TP53BP2: variants seen among roughly 807,000 people sequenced by gnomAD.
TP53BP2 encodes apoptosis-stimulating of p53 protein 2.
Under a neutral mutation model 126.2 loss-of-function variants are expected in TP53BP2, and 62 were observed. The observed-to-expected ratio is 0.49, with a 90% CI of 0.40 to 0.61. The LOEUF is 0.61. Among genes scored for constraint, TP53BP2 ranks in the 20% least tolerant of loss-of-function variants. TP53BP2 has a pLI of 0.00. For synonymous variants in TP53BP2, 485 were observed against 502.9 expected (o/e 0.96, Z 0.48); for missense variants, 1,215 against 1,402.8 (o/e 0.87, Z 2.14).
intron 5 of TP53BP2, among the ~76,000 whole-genome samples, chr1:223,806,056 CTAGGGT>C (rs918435260): frequency 6.6e-6 from 1 of 152,040 alleles, no homozygotes; most frequent in Non-Finnish European, 1.5e-5. Context: ...AAGGCCAGGA[CTAGGGT>C]TAGTTTGTGG....
Position 223,796,714 on chromosome 1 carries a change from C to T in TP53BP2, c.1949-124G>A, listed in dbSNP as rs1662338751. 2 of 795,550 alleles carry T rather than the reference C, an allele frequency of 2.5e-6. No individual in the cohort carries two copies. The highest frequency in any genetic ancestry group is 1.7e-5 in the African/African-American group (1 of 57,182). 49.3% of individuals were successfully genotyped at this position (795,550 alleles called of 1,614,324 possible). A position where few individuals can be genotyped will look rare whatever the true frequency, so the allele number is the denominator to read the frequency against. On this transcript the variant is annotated intron_variant, in intron 12 of 17. Coordinates refer to ENST00000343537, the MANE Select transcript of TP53BP2 (RefSeq NM_001031685.3). This position sits in a 1 kb window ranked among gnomAD's most constrained non-coding sequence, Gnocchi z 4.2. The stretch of plus-strand genomic sequence containing the variant: ...TTCATAGTTGTTACTACATAATCCC[C>T]TTCAAATATAATTAATTTTTAAAAA...
intron 10 of TP53BP2, 115 bp downstream of exon 10, chr1:223,800,585 T>A (rs1662494873): frequency 7.2e-5 from 53 of 735,240 alleles, no homozygotes; most frequent in Non-Finnish European, 9.0e-5. Flanking sequence ...ATCCTGTCTT[T>A]AAAAAAAACA....
At chr1:223,815,840 A>C (rs1021158159) in intron 2 of TP53BP2, among the ~76,000 whole-genome samples, 2 of 152,236 alleles carry the variant, frequency 1.3e-5, no homozygotes, top group African/African-American at 4.8e-5. Context: ...AACTGCCTAC[A>C]GTATTCAATA....
chr1:223,786,600 GTGTGTGTA>G, intron 16 of TP53BP2, among the ~76,000 whole-genome samples: 1 of 150,222 alleles, frequency 6.7e-6, no homozygotes, highest in East Asian at 1.9e-4. Context: ...GTGTGTGTGT[GTGTGTGTA>G]TATTTTTTTT....
At position 223,792,508 on chromosome 1, in the gene TP53BP2, G is replaced by A. The variant is rs775748072; in HGVS notation, c.2877C>T (p.Ser959=). The A allele has an allele frequency of 1.9e-6, 3 of 1,613,824 alleles. No individual in the cohort carries two copies. Among genetic ancestry groups the A allele is most frequent in the East Asian group, 2.2e-5 (1 of 44,882 alleles). ...CCGTGATGCCTTCATCATTGGGGAG[G>A]CTTGGGTCATCAACCTATATCAAGA... The part of the protein sequence containing the change: ...QRIIYEVDDP[S]LPNDEGITAL... The change falls in exon 15 of 18, where the codon AGC becomes AGT. Residue 959 remains serine (S), a synonymous_variant. Coordinates refer to ENST00000343537, the MANE Select transcript of TP53BP2 (RefSeq NM_001031685.3).
At chr1:223,790,565 C>CA (rs1662123660) in intron 15 of TP53BP2, among the ~76,000 whole-genome samples, 1 of 147,732 alleles carries the variant, frequency 6.8e-6, no homozygotes, top group African/African-American at 2.5e-5. Flanking sequence ...TCAAAAAAAA[C>CA]AAAAAAAGAA....
intron 4 of TP53BP2, among the ~76,000 whole-genome samples, chr1:223,809,325 G>T (rs1205977882): frequency 2.0e-5 from 3 of 152,168 alleles, no homozygotes; most frequent in African/African-American, 7.2e-5. Context: ...CCAGCACTTT[G>T]GGAGGCAGAG....
intron 9 of TP53BP2, 124 bp from the exon 10 acceptor site, chr1:223,800,934 A>C (rs1662508449): frequency 4.9e-6 from 3 of 617,512 alleles, no homozygotes. Flanking sequence ...CACCCCAATA[A>C]ATTTACTTAG....
chr1:223,818,502 CAAA>C (rs60296469), intron 2 of TP53BP2, among the ~76,000 whole-genome samples: 4 of 88,166 alleles, frequency 4.5e-5, no homozygotes, highest in African/African-American at 3.6e-5. Context: ...GACTCCATCT[CAAA>C]AAAAAAAAAA....
chr1:223,823,322 C>T (rs56947789), intron 1 of TP53BP2, among the ~76,000 whole-genome samples: 5,882 of 152,178 alleles, frequency 0.039, 374 homozygotes, highest in African/African-American at 0.13. Flanking sequence ...ACATCAGACT[C>T]GGTGCCTCAA....
At chr1:223,793,812 A>G (rs890442008) in intron 13 of TP53BP2, among the ~76,000 whole-genome samples, 1 of 152,204 alleles carries the variant, frequency 6.6e-6, no homozygotes, top group Middle Eastern at 3.2e-3. Flanking sequence ...TAGACTGCCT[A>G]TCTAATACAG....
intron 5 of TP53BP2, among the ~76,000 whole-genome samples, chr1:223,806,413 G>A (rs1350024199): frequency 6.6e-6 from 1 of 152,164 alleles, no homozygotes; most frequent in Non-Finnish European, 1.5e-5. Context: ...CAAACAGCAG[G>A]TGGCTTTTGG....
intron 1 of TP53BP2, among the ~76,000 whole-genome samples, chr1:223,830,925 G>A (rs758896982): frequency 3.3e-5 from 5 of 152,152 alleles, no homozygotes; most frequent in African/African-American, 7.2e-5. Flanking sequence ...GGTGAAACCC[G>A]TCTCTACTAA....
intron 14 of TP53BP2, among the ~76,000 whole-genome samples, chr1:223,792,844 T>G (rs550509745): frequency 6.7e-6 from 1 of 149,750 alleles, no homozygotes; most frequent in South Asian, 2.1e-4. Context: ...TAAGTAGAAG[T>G]TGCATTTGCT....
chr1:223,831,474 AAAAAAAATATATATATATATATATAT>A (rs1412896852), intron 1 of TP53BP2, among the ~76,000 whole-genome samples: 36 of 72,198 alleles, frequency 5.0e-4, no homozygotes, highest in African/African-American at 3.2e-3. Context: ...TCTAAAAAAA[AAAAAAAATATATATATATATATATAT>A]ATATATATAT....
Position 223,802,816 on chromosome 1 carries a change from A to G in TP53BP2, c.911T>C (p.Val304Ala), listed in dbSNP as rs777740927. Residue 304 changes from valine to alanine, a missense_variant, in exon 8 of 18, where the codon GTG becomes GCG. Val to Ala is a moderately conservative substitution (Grantham distance 64). This residue lies in a region of TP53BP2 where 814 missense variants were observed against 853.0 expected (regional missense o/e 0.95). Transcript: ENST00000343537. The part of the protein sequence containing the change: ...RECLNKRNSE[V>A]AVMDKRVNEL... ...ATTAACACGCTTATCCATGACTGCC[A>G]CTTCTGAATTACGCTTATTCAAACA... The G allele has an allele frequency of 6.2e-7, 1 of 1,614,156 alleles. No individual in the cohort carries two copies. Among genetic ancestry groups the G allele is most frequent in the East Asian group, 2.2e-5 (1 of 44,888 alleles).
intron 1 of TP53BP2, among the ~76,000 whole-genome samples, chr1:223,824,377 C>T (rs1038755901): frequency 1.3e-5 from 2 of 152,192 alleles, no homozygotes; most frequent in African/African-American, 4.8e-5. Context: ...CGAGTTGACC[C>T]CGCTTCTACC....
At chr1:223,801,953 C>A (rs1433591498) in intron 9 of TP53BP2, 163 bp downstream of exon 9, 7 of 603,250 alleles carry the variant, frequency 1.2e-5, no homozygotes, top group South Asian at 7.3e-5. Flanking sequence ...ACCAGGGTAT[C>A]AATTTTAATT....
At position 223,814,261 on chromosome 1, in the gene TP53BP2, G is replaced by T. The variant is rs76208122; in HGVS notation, c.268C>A (p.Arg90Ser). The T allele has an allele frequency of 1.2e-6, 2 of 1,613,406 alleles. No homozygotes were observed. The highest frequency in any genetic ancestry group is 1.3e-5 in the African/African-American group (1 of 74,924). Residue 90 changes from arginine to serine, a missense_variant, in exon 3 of 18, where the codon CGC becomes AGC. Around this residue, in one of 4 missense-constraint regions of TP53BP2, gnomAD observed 814 missense variants for 853.0 expected, o/e 0.95. Transcript: ENST00000343537. ...NEVRFFLRHE[R>S]PPGRDIVSGP... ...CTACCAATGTCCCTGCCAGGGGGGC[G>T]TTCATGACGAAGGAAGAAGCGAACT... is the stretch of plus-strand genomic sequence containing the variant.
Sources: allele counts gnomAD v4.1 joint callset (sites outside exome capture counted in the v4.1 genomes callset), GRCh38; gene constraint gnomAD v4.1.1; regional missense constraint gnomAD v4.1.1; non-coding constraint Gnocchi (gnomAD v3.1); transcripts MANE v1.5; gene names NCBI Gene and HGNC (gene_info 2026-07-23, HGNC 2026-07-21).